KCTD16: variants seen among roughly 807,000 people sequenced by gnomAD.
The protein encoded by KCTD16 is potassium channel tetramerization domain containing 16, also known as BTB/POZ domain-containing protein KCTD16.
In KCTD16, 13 loss-of-function variants were observed where a neutral mutation model predicts 33.2. The ratio of observed to expected loss-of-function variants is 0.39; its 90% confidence interval spans 0.25 to 0.62. The LOEUF is 0.62. Among genes scored for constraint, KCTD16 ranks in the 20% least tolerant of loss-of-function variants. KCTD16 has a pLI of 0.50. For missense variants in KCTD16, 441 were observed against 525.1 expected, an observed-to-expected ratio of 0.84 and a Z score of 1.57; for synonymous variants, 197 against 195.3, an observed-to-expected ratio of 1.01 and a Z score of -0.07.
At chr5:144,301,523 ATCTT>A (rs1442127998) in intron 3 of KCTD16, among the ~76,000 whole-genome samples, 1 of 152,186 alleles carries the variant, frequency 6.6e-6, no homozygotes, top group Non-Finnish European at 1.5e-5. Flanking sequence ...TTGTGCTTAT[ATCTT>A]TCTTTGTTTC....
chr5:144,402,428 G>T (rs1752721814), intron 3 of KCTD16, among the ~76,000 whole-genome samples: 2 of 152,092 alleles, frequency 1.3e-5, no homozygotes, highest in Non-Finnish European at 2.9e-5. Context: ...GTCGAGTGAG[G>T]TCGTCTACCT....
chr5:144,197,046 A>G (rs1752952668), intron 2 of KCTD16, among the ~76,000 whole-genome samples: 1 of 152,226 alleles, frequency 6.6e-6, no homozygotes, highest in African/African-American at 2.4e-5. Context: ...GTCAATCATT[A>G]TCAGGCATTC....
intron 3 of KCTD16, among the ~76,000 whole-genome samples, chr5:144,265,869 ATACTAT>A (rs1318966917): frequency 6.6e-6 from 1 of 152,204 alleles, no homozygotes; most frequent in Non-Finnish European, 1.5e-5. Flanking sequence ...TCGTACAGGG[ATACTAT>A]TAGGAATTCA....
intron 3 of KCTD16, among the ~76,000 whole-genome samples, chr5:144,427,149 G>T (rs971538498): frequency 6.6e-6 from 1 of 152,006 alleles, no homozygotes; most frequent in Non-Finnish European, 1.5e-5. Flanking sequence ...TAGGAAATGG[G>T]ATTGCAAATA....
At chr5:144,453,716 G>A (rs1753998341) in intron 3 of KCTD16, among the ~76,000 whole-genome samples, 1 of 152,090 alleles carries the variant, frequency 6.6e-6, no homozygotes, top group African/African-American at 2.4e-5. Flanking sequence ...TTTTCATCAT[G>A]GTAGAATTCT....
chr5:144,251,819 T>G (rs1374645386), intron 3 of KCTD16, among the ~76,000 whole-genome samples: 1 of 152,144 alleles, frequency 6.6e-6, no homozygotes, highest in Non-Finnish European at 1.5e-5. Flanking sequence ...AAAAGTTAGG[T>G]GTTCATTAGT....
intron 3 of KCTD16, among the ~76,000 whole-genome samples, chr5:144,257,939 G>T (rs1324754170): frequency 6.6e-6 from 1 of 152,054 alleles, no homozygotes; most frequent in South Asian, 2.1e-4. Flanking sequence ...AAGCTTTTTC[G>T]ATAAGTTATA....
intron 3 of KCTD16, among the ~76,000 whole-genome samples, chr5:144,428,999 T>C (rs943630107): frequency 6.6e-6 from 1 of 152,176 alleles, no homozygotes; most frequent in African/African-American, 2.4e-5. Flanking sequence ...TGTGTTCTGC[T>C]GCTTCCTACC....
chr5:144,471,130 A>G (rs1414812492), intron 3 of KCTD16, among the ~76,000 whole-genome samples: 1 of 152,162 alleles, frequency 6.6e-6, no homozygotes, highest in Admixed American at 6.5e-5. Context: ...CAGTGAACTG[A>G]GATCGTAGCA....
At chr5:144,214,290 A>G (rs568110670) in intron 3 of KCTD16, among the ~76,000 whole-genome samples, 1 of 151,958 alleles carries the variant, frequency 6.6e-6, no homozygotes, top group Admixed American at 6.6e-5. Context: ...TTGCTTTTCT[A>G]TACTATTGCA....
intron 3 of KCTD16, among the ~76,000 whole-genome samples, chr5:144,464,886 C>T (rs1754285620): frequency 6.6e-6 from 1 of 152,076 alleles, no homozygotes; most frequent in African/African-American, 2.4e-5. Context: ...CTAATTCACA[C>T]TGAGTTGTCT....
At chr5:144,312,082 G>A (rs1430530787) in intron 3 of KCTD16, among the ~76,000 whole-genome samples, 1 of 152,114 alleles carries the variant, frequency 6.6e-6, no homozygotes, top group African/African-American at 2.4e-5. Context: ...GTAGGTGCCG[G>A]GCACTTTGCT....
At chr5:144,332,786 G>A (rs1239200573) in intron 3 of KCTD16, among the ~76,000 whole-genome samples, 1 of 152,090 alleles carries the variant, frequency 6.6e-6, no homozygotes, top group Non-Finnish European at 1.5e-5. Context: ...TAGTTCTCAC[G>A]CTGCTAATAA....
chr5:144,241,754 G>A (rs756298502), intron 3 of KCTD16, among the ~76,000 whole-genome samples: 4 of 152,134 alleles, frequency 2.6e-5, no homozygotes, highest in Non-Finnish European at 5.9e-5. Flanking sequence ...TGAATGAGTG[G>A]ATTAGTGGCT....
At chr5:144,284,966 C>T (rs941624489) in intron 3 of KCTD16, among the ~76,000 whole-genome samples, 3 of 152,172 alleles carry the variant, frequency 2.0e-5, no homozygotes, top group Non-Finnish European at 2.9e-5. Context: ...AGAAGCACCT[C>T]GGGTAAACCA....
chr5:144,410,342 A>C (rs972907243), intron 3 of KCTD16, among the ~76,000 whole-genome samples: 1 of 152,206 alleles, frequency 6.6e-6, no homozygotes, highest in Non-Finnish European at 1.5e-5. Context: ...TAATATATTA[A>C]ATCTATTTCT....
At chr5:144,185,991 A>G (rs1048862020) in intron 2 of KCTD16, among the ~76,000 whole-genome samples, 2 of 152,144 alleles carry the variant, frequency 1.3e-5, no homozygotes, top group Admixed American at 1.3e-4. Context: ...GAATATGATA[A>G]CTTGCCCTAG....
intron 3 of KCTD16, among the ~76,000 whole-genome samples, chr5:144,295,302 A>C (rs1239913341): frequency 6.6e-6 from 1 of 152,198 alleles, no homozygotes. Context: ...GGCATATGTA[A>C]AGCTCTTGTC....
At chr5:144,286,043 T>C (rs1481878388) in intron 3 of KCTD16, among the ~76,000 whole-genome samples, 2 of 152,082 alleles carry the variant, frequency 1.3e-5, no homozygotes, top group Non-Finnish European at 2.9e-5. Flanking sequence ...TTTTTTATTT[T>C]GTTTTCAATC....
Sources: allele counts gnomAD v4.1 joint callset (sites outside exome capture counted in the v4.1 genomes callset), GRCh38; gene constraint gnomAD v4.1.1; transcripts MANE v1.5; gene names NCBI Gene and HGNC (gene_info 2026-07-23, HGNC 2026-07-21).